KLHL12: variants seen among roughly 807,000 people sequenced by gnomAD.
The protein encoded by KLHL12 is kelch-like protein 12.
In KLHL12, 17 loss-of-function variants were observed where a neutral mutation model predicts 60.8. The ratio of observed to expected loss-of-function variants is 0.28; its 90% confidence interval spans 0.19 to 0.42. The LOEUF (loss-of-function observed/expected upper bound fraction) is 0.42, where lower values mean the gene tolerates loss of function less well. KLHL12 is among the 10% of genes least tolerant of loss of function. KLHL12 has a pLI of 1.00. For missense variants in KLHL12, 468 were observed against 722.3 expected, an observed-to-expected ratio of 0.65 and a Z score of 4.04; for synonymous variants, 220 against 250.9, an observed-to-expected ratio of 0.88 and a Z score of 1.16.
At chr1:202,904,885 AGAC>A (rs1660135613) in intron 6 of KLHL12, among the ~76,000 whole-genome samples, 3 of 152,234 alleles carry the variant, frequency 2.0e-5, no homozygotes, top group African/African-American at 7.2e-5. Context: ...ATCTTCTTTG[AGAC>A]AGTAATGGGT....
At chr1:202,907,350 C>T (rs948033695) in intron 6 of KLHL12, among the ~76,000 whole-genome samples, 7 of 151,912 alleles carry the variant, frequency 4.6e-5, no homozygotes, top group African/African-American at 1.7e-4. Flanking sequence ...GCCTGTAATC[C>T]CAGCACTTTG....
rs745656039 is a variant in KLHL12 at position 202,895,507 on chromosome 1, G to A, written c.1135+15C>T. On this transcript the variant is annotated intron_variant, in intron 8 of 11. Coordinates refer to ENST00000367261, the MANE Select transcript of KLHL12 (RefSeq NM_021633.4). This position sits in a 1 kb window ranked among gnomAD's most constrained non-coding sequence, Gnocchi z 4.2. ...ACAGTAAGATGGAAATAATTGCCCT[G>A]CACATCCAGCCTACCTCCCAGGGTG... 3 of 1,607,882 alleles carry A rather than the reference G, an allele frequency of 1.9e-6. No homozygotes were observed. In the Middle Eastern group the frequency reaches 5.2e-4, roughly 281 times the overall value.
intron 9 of KLHL12, 136 bp downstream of exon 9, chr1:202,894,455 A>G: frequency 1.1e-6 from 1 of 942,356 alleles, no homozygotes; most frequent in Non-Finnish European, 1.7e-6. Flanking sequence ...ATCCCAATTA[A>G]TGGAAAATAT....
At chr1:202,904,689 TG>T (rs986887719) in intron 6 of KLHL12, among the ~76,000 whole-genome samples, 2 of 152,140 alleles carry the variant, frequency 1.3e-5, no homozygotes, top group African/African-American at 4.8e-5. Context: ...AACCTGGCAG[TG>T]GCATGGTCAT....
intron 6 of KLHL12, among the ~76,000 whole-genome samples, chr1:202,904,013 T>TATCG (rs1399828015): frequency 6.6e-6 from 1 of 151,554 alleles, no homozygotes; most frequent in African/African-American, 2.4e-5. Context: ...TCTATCTATC[T>TATCG]ATTTATCTAT....
intron 6 of KLHL12, among the ~76,000 whole-genome samples, chr1:202,898,021 C>T (rs1394420862): frequency 6.6e-6 from 1 of 152,158 alleles, no homozygotes; most frequent in African/African-American, 2.4e-5. Context: ...GCTATTCTGA[C>T]AGCCTTTATA....
At chr1:202,905,025 G>A (rs1660139859) in intron 6 of KLHL12, among the ~76,000 whole-genome samples, 1 of 152,208 alleles carries the variant, frequency 6.6e-6, no homozygotes, top group African/African-American at 2.4e-5. Flanking sequence ...TATGCATAGA[G>A]ATGGGTAGAG....
rs1557982733 is a variant in KLHL12 at position 202,891,953 on chromosome 1, A to G, written c.*580T>C. 6.6e-6 allele frequency: 1 copy of G among 152,052 alleles called. No individual in the cohort carries two copies. The highest frequency in any genetic ancestry group is 1.5e-5 in the Non-Finnish European group (1 of 68,030). The allele number at this position is 152,052 out of a possible 1,614,324, so 9.4% of individuals were successfully genotyped here. ...TCTGATATACAAATCCTGACCTCCA[A>G]AAGAAGTGTCAGATGAGTCTCTCTC... is the stretch of plus-strand genomic sequence containing the variant. On this transcript the variant is annotated 3_prime_UTR_variant, in exon 12 of 12. Coordinates refer to ENST00000367261, the MANE Select transcript of KLHL12 (RefSeq NM_021633.4).
intron 6 of KLHL12, among the ~76,000 whole-genome samples, chr1:202,900,909 G>A (rs1659986026): frequency 1.8e-5 from 1 of 55,860 alleles, no homozygotes; most frequent in African/African-American, 3.9e-5. Context: ...GCCAGGTGTG[G>A]TGGTGTGCAT....
intron 2 of KLHL12, among the ~76,000 whole-genome samples, chr1:202,920,760 A>G (rs1002799889): frequency 2.0e-5 from 3 of 152,216 alleles, no homozygotes; most frequent in East Asian, 3.8e-4. Context: ...TACGCCAGGA[A>G]TAAGTAATAG....
rs1659782173 is a variant in KLHL12 at position 202,894,827 on chromosome 1, G to C, written c.1136-78C>G. On this transcript the variant is annotated intron_variant, in intron 8 of 11. Transcript: ENST00000367261. ...ACTCTTTCCTCTACAAATTTTCCAA[G>C]GGTCCTTTAAAAGTCTGAGAGCAAA... 3.9e-6 allele frequency: 5 copies of C among 1,280,884 alleles called. No homozygotes were observed. In the African/African-American group the frequency reaches 4.4e-5, roughly 11 times the overall value. The allele number at this position is 1,280,884 out of a possible 1,614,324, so 79.3% of individuals were successfully genotyped here.
chr1:202,897,547 G>C (rs1489710561), intron 6 of KLHL12, among the ~76,000 whole-genome samples: 1 of 149,588 alleles, frequency 6.7e-6, no homozygotes, highest in Admixed American at 6.7e-5. Flanking sequence ...TCAACCTATT[G>C]AGATGACTGG....
chr1:202,924,999 C>T lies in KLHL12; in HGVS notation c.164G>A (p.Ser55Asn), dbSNP rs750122033. The T allele has an allele frequency of 5.6e-6, 9 of 1,614,048 alleles. No homozygotes were observed. Among genetic ancestry groups the T allele is most frequent in the African/African-American group, 1.3e-5 (1 of 74,920 alleles). Residue 55 changes from serine (S) to asparagine (N), a missense_variant, in exon 2 of 12, where the codon AGT becomes AAT. Coordinates refer to ENST00000367261, the MANE Select transcript of KLHL12 (RefSeq NM_021633.4). ...AGTGAACATGGCACAGAAGTAATCACTACAGGCAGCCAGCACAATCCGATG... is the reference window on the plus strand; with the variant it reads ...AGTGAACATGGCACAGAAGTAATCATTACAGGCAGCCAGCACAATCCGATG... ...PAHRIVLAAC[S>N]DYFCAMFTSE...
chr1:202,927,436 A>C (rs1333961117), upstream of KLHL12, among the ~76,000 whole-genome samples: 1 of 149,564 alleles, frequency 6.7e-6, no homozygotes, highest in African/African-American at 2.5e-5. Flanking sequence ...TAATCCCGGC[A>C]CTTTGGCAGG....
chr1:202,904,721 G>A (rs1161596010), intron 6 of KLHL12, among the ~76,000 whole-genome samples: 1 of 152,196 alleles, frequency 6.6e-6, no homozygotes, highest in Non-Finnish European at 1.5e-5. Context: ...AAGAGGGGAA[G>A]GGGAGTGTGT....
At chr1:202,925,604 C>G (rs1653504013) in intron 1 of KLHL12, among the ~76,000 whole-genome samples, 2 of 152,150 alleles carry the variant, frequency 1.3e-5, no homozygotes, top group African/African-American at 4.8e-5. Context: ...GTATTTAGAG[C>G]ATACATAAAA....
At chr1:202,927,374 G>C (rs1653639162), upstream of KLHL12, 1 of 672,686 alleles carries the variant, frequency 1.5e-6, no homozygotes. Context: ...ACGCTGCTAG[G>C]AAGCCGAATT....
intron 2 of KLHL12, among the ~76,000 whole-genome samples, chr1:202,922,829 A>G (rs144275185): frequency 4.3e-4 from 65 of 152,108 alleles, no homozygotes; most frequent in African/African-American, 7.9e-4. Flanking sequence ...TAAGAGACAG[A>G]TATCATTCTT....
rs1659738549 is a variant in KLHL12 at position 202,893,442 on chromosome 1, C to T, written c.1394-17G>A. 2 of 1,596,564 alleles carry T rather than the reference C, an allele frequency of 1.3e-6. No homozygotes were observed. Among genetic ancestry groups the T allele is most frequent in the Middle Eastern group, 3.3e-4 (2 of 6,010 alleles). On this transcript the variant is annotated splice_polypyrimidine_tract_variant and intron_variant, in intron 10 of 11. Transcript: ENST00000367261. This position sits in a 1 kb window ranked among gnomAD's most constrained non-coding sequence, Gnocchi z 4.1. The stretch of plus-strand genomic sequence containing the variant: ...CTCCTGCACCTGGGGAAAATGAATG[C>T]ATTAGCAAATGTATGGTACTAAGCC...
Sources: allele counts gnomAD v4.1 joint callset (sites outside exome capture counted in the v4.1 genomes callset), GRCh38; gene constraint gnomAD v4.1.1; non-coding constraint Gnocchi (gnomAD v3.1); transcripts MANE v1.5; gene names NCBI Gene and HGNC (gene_info 2026-07-23, HGNC 2026-07-21).